Variants in L3MBTL4 observed in about 807,000 individuals in gnomAD.
The protein encoded by L3MBTL4 is lethal(3)malignant brain tumor-like protein 4.
Under a neutral mutation model 84.5 loss-of-function variants are expected in L3MBTL4, and 70 were observed. The observed-to-expected ratio is 0.83, with a 90% CI of 0.68 to 1.01. The LOEUF is 1.01. L3MBTL4 is among the 50% of genes least tolerant of loss of function. The pLI is 0.00. For synonymous variants in L3MBTL4, 274 were observed against 259.8 expected (o/e 1.05, Z -0.52); for missense variants, 715 against 754.8 (o/e 0.95, Z 0.62).
At chr18:6,006,022 A>C (rs952134521) in intron 16 of L3MBTL4, among the ~76,000 whole-genome samples, 16 of 152,126 alleles carry the variant, frequency 1.1e-4, no homozygotes, top group Middle Eastern at 6.8e-3. Flanking sequence ...TAAAAAAAAA[A>C]ACAGAAGACA....
intron 16 of L3MBTL4, chr18:6,032,299 A>AACTAAC: frequency 1.0e-6 from 1 of 970,220 alleles, no homozygotes; most frequent in Non-Finnish European, 1.2e-6. Flanking sequence ...AAAAAAAAAA[A>AACTAAC]GAACTAACAA....
chr18:6,163,027 C>T (rs570444922), intron 13 of L3MBTL4, among the ~76,000 whole-genome samples: 2 of 151,884 alleles, frequency 1.3e-5, no homozygotes, highest in South Asian at 2.1e-4. Context: ...ACGTGGAAAA[C>T]GAGGTGAGTT....
rs1014933799 is a variant in L3MBTL4 at position 6,031,434 on chromosome 18, C to T, written c.1444+49447G>A. On this transcript the variant is annotated intron_variant, in intron 16 of 18. Transcript: ENST00000317931. ...CTAACTTCTGAACATTTATAAGTTG[C>T]GAGGTGGGACCATTCTTTGCCTCTT... 23 of 985,248 alleles carry T rather than the reference C, an allele frequency of 2.3e-5. No homozygotes were observed. The South Asian group carries it at 2.8e-4, about 12-fold the overall frequency. 61.0% of individuals were successfully genotyped at this position (985,248 alleles called of 1,614,324 possible).
chr18:6,090,301 ACT>A (rs777409667), intron 15 of L3MBTL4, among the ~76,000 whole-genome samples: 2 of 151,996 alleles, frequency 1.3e-5, no homozygotes, highest in African/African-American at 2.4e-5. Flanking sequence ...TAAAAACATG[ACT>A]CTCTACTAAA....
intron 1 of L3MBTL4, among the ~76,000 whole-genome samples, chr18:6,340,830 G>C (rs1013281667): frequency 6.6e-6 from 1 of 152,096 alleles, no homozygotes. Flanking sequence ...CCTACAGATA[G>C]CACACACATC....
chr18:6,325,958 C>A (rs1313863826), intron 1 of L3MBTL4, among the ~76,000 whole-genome samples: 1 of 152,142 alleles, frequency 6.6e-6, no homozygotes, highest in Non-Finnish European at 1.5e-5. Flanking sequence ...TTGGGAAAAA[C>A]AAGTATCTCA....
intron 12 of L3MBTL4, among the ~76,000 whole-genome samples, chr18:6,179,319 C>T (rs186915599): frequency 1.3e-3 from 198 of 152,286 alleles, no homozygotes; most frequent in Middle Eastern, 3.4e-3. Context: ...CTGAACTCTT[C>T]TAGCTTTAAT....
chr18:6,150,230 T>A (rs1383177751), intron 13 of L3MBTL4, among the ~76,000 whole-genome samples: 1 of 152,146 alleles, frequency 6.6e-6, no homozygotes. Flanking sequence ...AAGTTACCCA[T>A]AAGATTGAAA....
chr18:6,005,001 T>TTTTTTTA (rs2145314825), intron 16 of L3MBTL4, among the ~76,000 whole-genome samples: 1 of 112,754 alleles, frequency 8.9e-6, no homozygotes, highest in East Asian at 2.2e-4. Context: ...ATGATAATTT[T>TTTTTTTA]TTTTTTTTTT....
intron 16 of L3MBTL4, among the ~76,000 whole-genome samples, chr18:6,038,760 C>T (rs1049059853): frequency 6.6e-6 from 1 of 152,122 alleles, no homozygotes; most frequent in African/African-American, 2.4e-5. Flanking sequence ...CAGTCTTTGC[C>T]TCATAAATAA....
chr18:6,295,376 C>T (rs1476026802), intron 4 of L3MBTL4, among the ~76,000 whole-genome samples: 1 of 110,044 alleles, frequency 9.1e-6, no homozygotes, highest in Non-Finnish European at 1.8e-5. Context: ...ATATATACAG[C>T]CTTTATGAAT....
At chr18:6,338,256 G>A (rs1368210993) in intron 1 of L3MBTL4, among the ~76,000 whole-genome samples, 1 of 151,888 alleles carries the variant, frequency 6.6e-6, no homozygotes, top group African/African-American at 2.4e-5. Context: ...TGGTGGAGAG[G>A]AGAGGAGAGA....
At chr18:6,323,284 G>A (rs2051522709) in intron 1 of L3MBTL4, among the ~76,000 whole-genome samples, 1 of 152,154 alleles carries the variant, frequency 6.6e-6, no homozygotes, top group Non-Finnish European at 1.5e-5. Flanking sequence ...TTGCTATAGA[G>A]ATACCTGAAA....
intron 1 of L3MBTL4, among the ~76,000 whole-genome samples, chr18:6,410,614 A>G (rs2144749310): frequency 6.6e-6 from 1 of 152,348 alleles, no homozygotes; most frequent in Non-Finnish European, 1.5e-5. Flanking sequence ...TGGGTGTAAA[A>G]GTGTTATACT....
chr18:6,177,812 C>T lies in L3MBTL4; in HGVS notation c.982-5870G>A, dbSNP rs192760705. Among the ~76,000 whole-genome samples the T allele has an allele frequency of 3.2e-3, 491 of 152,234 alleles. 8 individuals carry two copies. Among genetic ancestry groups the T allele is most frequent in the Non-Finnish European group, 8.4e-4 (57 of 68,014 alleles). On this transcript the variant is annotated intron_variant, in intron 12 of 18. Transcript: ENST00000317931. ...ACTGGTGTTCCTTTTTGGAATGATG[C>T]CTCCTGCTCTGGAATTACCAATAGG... is the stretch of plus-strand genomic sequence containing the variant.
chr18:6,029,922 CTT>C, intron 16 of L3MBTL4: 1 of 985,394 alleles, frequency 1.0e-6, no homozygotes, highest in South Asian at 4.7e-5. Flanking sequence ...ACAGAAGACA[CTT>C]TTTATTTTCC....
chr18:6,389,985 T>C (rs140768871), intron 1 of L3MBTL4, among the ~76,000 whole-genome samples: 17 of 152,264 alleles, frequency 1.1e-4, no homozygotes, highest in African/African-American at 4.1e-4. Flanking sequence ...ACCCAAGAAC[T>C]GCAGAATATA....
chr18:6,250,396 C>G (rs1000553833), intron 5 of L3MBTL4, among the ~76,000 whole-genome samples: 1 of 152,110 alleles, frequency 6.6e-6, no homozygotes, highest in Non-Finnish European at 1.5e-5. Flanking sequence ...CCATCCACTC[C>G]ACATTATGAG....
intron 4 of L3MBTL4, among the ~76,000 whole-genome samples, chr18:6,267,237 C>G (rs1024437977): frequency 3.0e-4 from 46 of 152,122 alleles, no homozygotes; most frequent in African/African-American, 1.1e-3. Context: ...ACAACACTAA[C>G]TCGTTATTGC....
Sources: gnomAD v4.1 joint callset for allele counts (sites outside exome capture counted in the v4.1 genomes callset) on GRCh38, gnomAD v4.1.1 for gene constraint, MANE v1.5 for transcripts, NCBI Gene and HGNC (gene_info 2026-07-23, HGNC 2026-07-21) for gene names.